Variants in ADGRF1 observed in about 807,000 individuals in gnomAD.
ADGRF1 encodes G protein-coupled receptor 110.
Under a neutral mutation model 87.2 loss-of-function variants are expected in ADGRF1, and 85 were observed. The ratio of observed to expected loss-of-function variants is 0.97; its 90% confidence interval spans 0.82 to 1.17. ADGRF1 has a LOEUF of 1.17. Among genes scored for constraint, ADGRF1 ranks in the 50% most tolerant of loss-of-function variants. The probability of loss-of-function intolerance (pLI) is 0.00; values close to 1 mark genes in which losing one functional copy is unlikely to be tolerated. For missense variants in ADGRF1, 1,169 were observed against 1,077.2 expected (o/e 1.09, Z -1.19); for synonymous variants, 430 against 408.8 (o/e 1.05, Z -0.63).
intron 9 of ADGRF1, chr6:47,014,465 T>C (rs1013744776): frequency 1.9e-5 from 24 of 1,285,422 alleles, no homozygotes; most frequent in Non-Finnish European, 2.3e-5. Flanking sequence ...AACTATCAAC[T>C]CTGTCTTTTG....
chr6:47,029,705 G>A (rs1780351960), intron 1 of ADGRF1, among the ~76,000 whole-genome samples: 1 of 152,134 alleles, frequency 6.6e-6, no homozygotes, highest in African/African-American at 2.4e-5. Flanking sequence ...ATCACAAAAT[G>A]TTAGAATTGT....
chr6:47,023,997 T>C, intron 5 of ADGRF1, 47 bp downstream of exon 5: 1 of 1,532,318 alleles, frequency 6.5e-7, no homozygotes, highest in Non-Finnish European at 9.0e-7. Flanking sequence ...CTCTGTTGCA[T>C]GTTGGGGTGG....
At chr6:47,012,851 C>T (rs1490254006) in intron 9 of ADGRF1, 3 of 822,908 alleles carry the variant, frequency 3.6e-6, no homozygotes, top group African/African-American at 1.9e-5. Flanking sequence ...CTCACTGCAA[C>T]CTCTGCCTCC....
intron 6 of ADGRF1, among the ~76,000 whole-genome samples, chr6:47,021,323 G>C (rs143736135): frequency 6.6e-6 from 1 of 152,146 alleles, no homozygotes; most frequent in African/African-American, 2.4e-5. Context: ...TTTCTTTATA[G>C]AACAAATCCC....
intron 10 of ADGRF1, among the ~76,000 whole-genome samples, chr6:47,011,366 T>A (rs547743816): frequency 6.6e-6 from 1 of 152,362 alleles, no homozygotes; most frequent in South Asian, 2.1e-4. Flanking sequence ...AAACATTATA[T>A]CCTTTAACAT....
At chr6:47,019,499 C>T (rs780536821) in intron 7 of ADGRF1, 168 of 383,868 alleles carry the variant, frequency 4.4e-4, no homozygotes, top group Middle Eastern at 2.6e-3. Context: ...CTGGCTAACA[C>T]GGTGAAACCC....
In ADGRF1 at chr6:47,021,957, C is replaced by T. The variant is rs371412072; in HGVS notation, c.552+1G>A. The T allele has an allele frequency of 2.0e-6, 3 of 1,526,358 alleles. No homozygotes were observed. The highest frequency in any genetic ancestry group is 2.8e-5 in the African/African-American group (2 of 72,496). The allele number at this position is 1,526,358 out of a possible 1,614,324, so 94.6% of individuals were successfully genotyped here. A position where few individuals can be genotyped will look rare whatever the true frequency, so the allele number is the denominator to read the frequency against. ...TTATATAATAAGTAGAAAGTGCTTA[C>T]TTGAATTTCAATTCCATTTGCATAT... is the stretch of plus-strand genomic sequence containing the variant. On this transcript the variant is annotated splice_donor_variant, in intron 6 of 14. Transcript: ENST00000371253. LOFTEE classifies it high-confidence loss of function.
intron 3 of ADGRF1, among the ~76,000 whole-genome samples, chr6:47,026,255 C>G (rs1780230400): frequency 6.6e-6 from 1 of 152,092 alleles, no homozygotes; most frequent in Non-Finnish European, 1.5e-5. Flanking sequence ...TGCTGTCTGT[C>G]CCTCCCCAGA....
At chr6:47,019,946 T>G (rs1779993623) in intron 7 of ADGRF1, 1 of 985,764 alleles carries the variant, frequency 1.0e-6, no homozygotes, top group Non-Finnish European at 1.2e-6. Flanking sequence ...TGAACTATGA[T>G]GTATACATGT....
chr6:47,020,635 G>A, intron 7 of ADGRF1, 96 bp downstream of exon 7: 1 of 1,584,822 alleles, frequency 6.3e-7, no homozygotes. Flanking sequence ...CTTCTGTCCT[G>A]TTTTCTGTCA....
chr6:47,020,151 T>C, intron 7 of ADGRF1: 1 of 1,104,104 alleles, frequency 9.1e-7, no homozygotes, highest in Non-Finnish European at 1.1e-6. Context: ...ACTGCTATTG[T>C]TTTGTAGTTC....
In ADGRF1 at chr6:47,014,669, A is replaced by G; in HGVS notation, c.927+12T>C. The G allele has an allele frequency of 1.2e-6, 2 of 1,612,070 alleles. No homozygotes were observed. The highest frequency in any genetic ancestry group is 1.7e-6 in the Non-Finnish European group (2 of 1,179,158). On this transcript the variant is annotated intron_variant, in intron 9 of 14. Transcript: ENST00000371253. The stretch of plus-strand genomic sequence containing the variant: ...AAGACCAGGGCAAGTCTACACAGTG[A>G]AAATGCCTCACCTTGTTCAGTTCTT...
At chr6:47,040,596 T>A (rs1561885686) in intron 1 of ADGRF1, among the ~76,000 whole-genome samples, 1 of 152,200 alleles carries the variant, frequency 6.6e-6, no homozygotes. Context: ...AAATTGTGAA[T>A]TCAGTGACAC....
chr6:47,018,829 C>T (rs905701814), intron 7 of ADGRF1: 9 of 270,908 alleles, frequency 3.3e-5, no homozygotes, highest in African/African-American at 9.0e-5. Context: ...CTTCGTGTCT[C>T]ATGCCTGTAA....
At chr6:47,031,112 A>T (rs951904291) in intron 1 of ADGRF1, among the ~76,000 whole-genome samples, 1 of 152,140 alleles carries the variant, frequency 6.6e-6, no homozygotes, top group Non-Finnish European at 1.5e-5. Context: ...ATTCCCAGGA[A>T]CTATTTAGAC....
rs751673726 is a variant in ADGRF1, at chr6:47,016,642, G to A, written c.738C>T (p.Asp246=). 15 of 1,609,338 alleles carry A rather than the reference G, an allele frequency of 9.3e-6. No individual in the cohort carries two copies. Among genetic ancestry groups the A allele is most frequent in the Admixed American group, 3.3e-5 (2 of 59,806 alleles). The change falls in exon 8 of 15, where the codon GAC becomes GAT. Residue 246 remains aspartate (D), a synonymous_variant. Coordinates refer to ENST00000371253, the MANE Select transcript of ADGRF1 (RefSeq NM_153840.4). ...TALHKLFPLE[D]GSFRVFGKAQ... is the part of the protein sequence containing the mutation. ...CTTTTCCGAACACTCTGAAAGAGCC[G>A]TCTTCTAATGGAAACAGCTTGTGAA... is the stretch of plus-strand genomic sequence containing the variant.
intron 1 of ADGRF1, among the ~76,000 whole-genome samples, chr6:47,034,481 C>A (rs1481751446): frequency 6.6e-6 from 1 of 152,158 alleles, no homozygotes; most frequent in Non-Finnish European, 1.5e-5. Flanking sequence ...AGTCTGGAAG[C>A]AACAAAAAGA....
At position 46,997,909 on chromosome 6, in the gene ADGRF1, T is replaced by C. The variant is rs1403612430; in HGVS notation, c.*2313A>G. ...CCAGTTGTATGCCAACATACTCAGG[T>C]AAGAGCAACATTTTGGTCATTTTAA... On this transcript the variant is annotated 3_prime_UTR_variant, in exon 15 of 15. Coordinates refer to ENST00000371253, the MANE Select transcript of ADGRF1 (RefSeq NM_153840.4). 2.0e-5 allele frequency: 3 copies of C among 152,192 alleles called. No individual in the cohort carries two copies. The highest frequency in any genetic ancestry group is 4.4e-5 in the Non-Finnish European group (3 of 68,016). The allele number at this position is 152,192 out of a possible 1,614,324, so 9.4% of individuals were successfully genotyped here. A position where few individuals can be genotyped will look rare whatever the true frequency, so the allele number is the denominator to read the frequency against.
In ADGRF1 at chr6:47,012,020, T is replaced by C. The variant is rs75343608; in HGVS notation, c.1103A>G (p.Asn368Ser). The C allele has an allele frequency of 3.6e-5, 58 of 1,613,734 alleles. No homozygotes were observed. In the African/African-American group the frequency reaches 6.0e-4, roughly 17 times the overall value. ...LSLASHFRVS[N>S]STMEDVISIA... ...GGCAGACCATACCTCCATTGTTGAA[T>C]TGGACACCCTGAAATGGCTGGCCAG... The change falls in exon 10 of 15, where the codon AAT (asparagine) becomes AGT (serine). Residue 368 changes from asparagine (N) to serine (S), a missense_variant. By Grantham distance (46) the Asn-to-Ser change is conservative (BLOSUM62 1). Transcript: ENST00000371253.
Sources: allele counts gnomAD v4.1 joint callset (sites outside exome capture counted in the v4.1 genomes callset), GRCh38; gene constraint gnomAD v4.1.1; transcripts MANE v1.5; gene names NCBI Gene and HGNC (gene_info 2026-07-23, HGNC 2026-07-21).